SVEP1: variants seen among roughly 807,000 people sequenced by gnomAD.
SVEP1 encodes sushi, von Willebrand factor type A, EGF and pentraxin domain-containing protein 1.
SVEP1 carries 164 observed loss-of-function variants against 367.3 expected under a neutral mutation model. The observed-to-expected ratio is 0.45, with a 90% CI of 0.39 to 0.51. The LOEUF (loss-of-function observed/expected upper bound fraction) is 0.51, where lower values mean the gene tolerates loss of function less well. SVEP1 is among the 20% of genes least tolerant of loss of function. The probability of loss-of-function intolerance (pLI) is 0.00; values close to 1 mark genes in which losing one functional copy is unlikely to be tolerated. For synonymous variants in SVEP1, 1,666 were observed against 1,611.6 expected (o/e 1.03, Z -0.81); for missense variants, 4,117 against 4,425.3 (o/e 0.93, Z 1.98).
At chr9:110,387,150 C>T in intron 42 of SVEP1, 135 bp downstream of exon 42, 2 of 803,872 alleles carry the variant, frequency 2.5e-6, no homozygotes, top group Non-Finnish European at 3.7e-6. Flanking sequence ...CCAGAGAATT[C>T]AGCTTGGATA....
intron 4 of SVEP1, among the ~76,000 whole-genome samples, chr9:110,513,399 T>A (rs572721858): frequency 3.0e-4 from 45 of 152,278 alleles, no homozygotes; most frequent in Non-Finnish European, 5.6e-4. Flanking sequence ...GTTCTTGACC[T>A]TTATATGTCA....
chr9:110,395,730 C>A (rs1588031678), intron 40 of SVEP1, among the ~76,000 whole-genome samples: 2 of 150,926 alleles, frequency 1.3e-5, no homozygotes, highest in East Asian at 3.9e-4. Flanking sequence ...AGACTTTAAA[C>A]CAACAAAGAT....
chr9:110,377,956 G>A (rs1337958727), intron 44 of SVEP1, among the ~76,000 whole-genome samples: 1 of 152,156 alleles, frequency 6.6e-6, no homozygotes, highest in Middle Eastern at 3.2e-3. Context: ...TATCAGCAAA[G>A]TCAGGCAGTA....
intron 16 of SVEP1, among the ~76,000 whole-genome samples, chr9:110,471,098 A>T (rs958162245): frequency 6.6e-6 from 1 of 152,174 alleles, no homozygotes; most frequent in Non-Finnish European, 1.5e-5. Context: ...AGTATTCATT[A>T]TTATTATTGG....
At chr9:110,536,452 T>C (rs904822567) in intron 3 of SVEP1, among the ~76,000 whole-genome samples, 24 of 152,022 alleles carry the variant, frequency 1.6e-4, no homozygotes, top group Admixed American at 5.9e-4. Flanking sequence ...CATGCATCAT[T>C]TTAAAAGAAC....
chr9:110,408,711 C>A lies in SVEP1; in HGVS notation c.6889G>T (p.Val2297Phe). ...TGACATGTCCAAGAACTGTCACCAACAAGCTCATAACCCTCATTACAGAAA... is the reference window on the plus strand; with the variant it reads ...TGACATGTCCAAGAACTGTCACCAAAAAGCTCATAACCCTCATTACAGAAA... The part of the protein sequence containing the change: ...QFFCNEGYEL[V>F]GDSSWTCQKS... Residue 2297 changes from valine (V) to phenylalanine (F), a missense_variant, in exon 38 of 48, where the codon GTT (valine) becomes TTT (phenylalanine). Val to Phe is a conservative substitution (Grantham distance 50, BLOSUM62 -1). Coordinates refer to ENST00000374469, the MANE Select transcript of SVEP1 (RefSeq NM_153366.4). The A allele has an allele frequency of 3.1e-6, 5 of 1,613,984 alleles. No individual in the cohort carries two copies. Among genetic ancestry groups the A allele is most frequent in the Non-Finnish European group, 4.2e-6 (5 of 1,179,892 alleles).
At chr9:110,556,233 G>A (rs1830355938) in intron 1 of SVEP1, among the ~76,000 whole-genome samples, 2 of 151,980 alleles carry the variant, frequency 1.3e-5, no homozygotes, top group Non-Finnish European at 2.9e-5. Context: ...TCTAACACCC[G>A]AGATCCATCA....
chr9:110,494,601 AT>A (rs1182769809), intron 8 of SVEP1, among the ~76,000 whole-genome samples: 1 of 152,194 alleles, frequency 6.6e-6, no homozygotes, highest in Admixed American at 6.5e-5. Flanking sequence ...CTACCAAGAA[AT>A]TTCTTTTTTT....
chr9:110,455,445 ATAAG>A (rs1828763039), intron 22 of SVEP1, 141 bp downstream of exon 22: 5 of 628,124 alleles, frequency 8.0e-6, no homozygotes, highest in Non-Finnish European at 2.6e-6. Context: ...CCCAATGCAA[ATAAG>A]TAATATTAGA....
chr9:110,491,660 C>G (rs570102265), intron 8 of SVEP1, among the ~76,000 whole-genome samples: 1 of 148,914 alleles, frequency 6.7e-6, no homozygotes, highest in African/African-American at 2.5e-5. Flanking sequence ...TATTTTGCTC[C>G]AGGAAATTAC....
Position 110,465,886 on chromosome 9 carries a change from C to T in SVEP1, c.3301G>A (p.Val1101Met), listed in dbSNP as rs773002647. The part of the protein sequence containing the change: ...ENTSTVKRGA[V>M]NISACGVPCP... ...TAACCTCCACATGCAGAAATGTTCACGGCTCCTCTTTTCACAGTTGAGGTG... is the reference window on the plus strand; with the variant it reads ...TAACCTCCACATGCAGAAATGTTCATGGCTCCTCTTTTCACAGTTGAGGTG... The change falls in exon 18 of 48, where the codon GTG (valine) becomes ATG (methionine). Residue 1101 changes from valine (V) to methionine (M), a missense_variant. This residue lies in a region of SVEP1 where 2,174 missense variants were observed against 2,494.3 expected (regional missense o/e 0.87). Coordinates refer to ENST00000374469, the MANE Select transcript of SVEP1 (RefSeq NM_153366.4). 9 of 1,612,908 alleles carry T rather than the reference C, an allele frequency of 5.6e-6. No homozygotes were observed. Among genetic ancestry groups the T allele is most frequent in the Middle Eastern group, 1.6e-4 (1 of 6,062 alleles).
At chr9:110,554,750 G>A (rs931236630) in intron 1 of SVEP1, among the ~76,000 whole-genome samples, 1 of 151,872 alleles carries the variant, frequency 6.6e-6, no homozygotes, top group Admixed American at 6.6e-5. Context: ...GTGTGTGTGT[G>A]TGTATGTATG....
At chr9:110,575,302 C>A (rs1238519693) in intron 1 of SVEP1, among the ~76,000 whole-genome samples, 1 of 152,144 alleles carries the variant, frequency 6.6e-6, no homozygotes, top group Non-Finnish European at 1.5e-5. Flanking sequence ...GTACTCGACT[C>A]ATTACCCATT....
At chr9:110,450,473 T>TG (rs1554716070) in intron 23 of SVEP1, among the ~76,000 whole-genome samples, 2 of 145,842 alleles carry the variant, frequency 1.4e-5, no homozygotes, top group African/African-American at 5.1e-5. Flanking sequence ...ATCTGTTTTT[T>TG]TTTTTTTTTT....
rs1014600454 is a variant in SVEP1 at position 110,481,265 on chromosome 9, G to A, written c.2342C>T (p.Thr781Ile). The A allele has an allele frequency of 1.9e-6, 3 of 1,598,292 alleles. No individual in the cohort carries two copies. The highest frequency in any genetic ancestry group is 2.7e-5 in the African/African-American group (2 of 74,550). ...ACTGGCACAGTCTGGCCATTCAGTG[G>A]TATATGTTGGTTTCCAGACGCCATC... ...YEDGVWKPTY[T>I]TEWPDCAKKR... The change falls in exon 12 of 48, where the codon ACC becomes ATC. Residue 781 changes from threonine to isoleucine, a missense_variant. Coordinates refer to ENST00000374469, the MANE Select transcript of SVEP1 (RefSeq NM_153366.4).
chr9:110,503,241 A>C (rs371262999), intron 5 of SVEP1, 24 bp from the exon 6 acceptor site: 81 of 1,594,342 alleles, frequency 5.1e-5, no homozygotes, highest in Non-Finnish European at 6.5e-5. Context: ...AAGCAATTAG[A>C]TCACATTTTG....
rs771566060 is a variant in SVEP1 at position 110,406,298 on chromosome 9, T to C, written c.9302A>G (p.Asp3101Gly). Residue 3101 changes from aspartate (D) to glycine (G), a missense_variant, in exon 38 of 48, where the codon GAT (aspartate) becomes GGT (glycine). By Grantham distance (94) the Asp-to-Gly change is moderately conservative (BLOSUM62 -1). This residue lies in a region of SVEP1 where 1,765 missense variants were observed against 1,781.1 expected (regional missense o/e 0.99). Coordinates refer to ENST00000374469, the MANE Select transcript of SVEP1 (RefSeq NM_153366.4). ...RSGYVIQGSS[D>G]LICTEKGVWS... is the part of the protein sequence containing the mutation. ...TACCCCTTTCTCTGTACAAATCAGA[T>C]CTGAACTGCCTTGTATGACATATCC... 2.3e-5 allele frequency: 37 copies of C among 1,613,938 alleles called. No homozygotes were observed. In the South Asian group the frequency reaches 3.7e-4, roughly 16 times the overall value.
In SVEP1 at chr9:110,432,003, A is replaced by G. The variant is rs775338890; in HGVS notation, c.5265T>C (p.Cys1755=). The change falls in exon 32 of 48, where the codon TGT becomes TGC. Residue 1755 remains cysteine, a synonymous_variant. Coordinates refer to ENST00000374469, the MANE Select transcript of SVEP1 (RefSeq NM_153366.4). ...DVDECAVGSD[C]SEHASCLNVD... ...CGTTCAGGCAAGAAGCATGCTCACT[A>G]CAATCTGATCCAACTGCACACTCAT... 2.2e-5 allele frequency: 35 copies of G among 1,612,988 alleles called. No individual in the cohort carries two copies. The highest frequency in any genetic ancestry group is 3.0e-5 in the Non-Finnish European group (35 of 1,179,540).
chr9:110,470,943 G>C (rs566901044), intron 16 of SVEP1, among the ~76,000 whole-genome samples: 34 of 152,028 alleles, frequency 2.2e-4, no homozygotes, highest in African/African-American at 8.2e-4. Context: ...TGTCTTAATG[G>C]GTAAGTCTTA....
Sources: gnomAD v4.1 joint callset for allele counts (sites outside exome capture counted in the v4.1 genomes callset) on GRCh38, gnomAD v4.1.1 for gene constraint, gnomAD v4.1.1 regional missense constraint, MANE v1.5 for transcripts, NCBI Gene and HGNC (gene_info 2026-07-23, HGNC 2026-07-21) for gene names.